Variants in PLCB1 observed in about 807,000 individuals in gnomAD.
The protein encoded by PLCB1 is 1-phosphatidylinositol 4,5-bisphosphate phosphodiesterase beta-1.
A neutral mutation model predicts 161.8 loss-of-function variants in PLCB1; 46 were observed. That is an observed-to-expected ratio of 0.28 (90% CI 0.22 to 0.36). The LOEUF (loss-of-function observed/expected upper bound fraction) is 0.36. Ranked by LOEUF, PLCB1 falls within the 10% of genes least tolerant of loss-of-function variation. The pLI, the probability that PLCB1 is intolerant of heterozygous loss-of-function variation, is 1.00. For missense variants in PLCB1, 1,016 were observed against 1,472.5 expected (o/e 0.69, Z 5.07); for synonymous variants, 517 against 503.7 (o/e 1.03, Z -0.35).
rs534114984 is a variant in PLCB1 at position 8,147,947 on chromosome 20, A to G, written c.100-2347A>G. 1.7e-3 allele frequency among the ~76,000 whole-genome samples: 251 copies of G among 144,384 alleles called. 2 individuals carry two copies. The highest frequency in any genetic ancestry group is 7.4e-3 in the Middle Eastern group (2 of 270). 94.7% of individuals were successfully genotyped at this position (144,384 alleles called of 152,430 possible). On this transcript the variant is annotated intron_variant, in intron 1 of 31. Coordinates refer to ENST00000338037, the MANE Select transcript of PLCB1 (RefSeq NM_015192.4). ...GAGTGCAGTGGTGCGATCTCAGCTC[A>G]CTGCAAGCTCTGCCTCCCGGGTTCA...
At chr20:8,374,311 G>A (rs572774570) in intron 3 of PLCB1, among the ~76,000 whole-genome samples, 16 of 152,208 alleles carry the variant, frequency 1.1e-4, no homozygotes, top group Admixed American at 7.2e-4. Context: ...CTGCCTCCCC[G>A]TCGTCTTCCA....
At chr20:8,630,852 C>G (rs1988564164) in intron 4 of PLCB1, among the ~76,000 whole-genome samples, 2 of 152,092 alleles carry the variant, frequency 1.3e-5, no homozygotes, top group South Asian at 4.1e-4. Context: ...GCAGTCCTAT[C>G]TAAAATATAT....
At chr20:8,871,896 T>C (rs1339968860) in intron 31 of PLCB1, among the ~76,000 whole-genome samples, 2 of 152,348 alleles carry the variant, frequency 1.3e-5, no homozygotes, top group Admixed American at 6.5e-5. Flanking sequence ...ATGTATGATC[T>C]TGTTTAAACC....
chr20:8,618,442 AGC>A (rs1372513446), intron 3 of PLCB1, among the ~76,000 whole-genome samples: 3 of 152,086 alleles, frequency 2.0e-5, no homozygotes, highest in African/African-American at 7.2e-5. Flanking sequence ...GTGGGAAGAT[AGC>A]TTGAGCCCAG....
At chr20:8,442,411 TC>T (rs1681356307) in intron 3 of PLCB1, among the ~76,000 whole-genome samples, 1 of 152,186 alleles carries the variant, frequency 6.6e-6, no homozygotes, top group South Asian at 2.1e-4. Context: ...GTATGAAGCC[TC>T]TTTTATAAAG....
At chr20:8,252,767 A>G (rs1981217413) in intron 2 of PLCB1, among the ~76,000 whole-genome samples, 1 of 152,012 alleles carries the variant, frequency 6.6e-6, no homozygotes, top group Non-Finnish European at 1.5e-5. Flanking sequence ...ACCACTTACT[A>G]TTTGACAGAG....
At chr20:8,586,471 G>A (rs917293878) in intron 3 of PLCB1, among the ~76,000 whole-genome samples, 3 of 151,962 alleles carry the variant, frequency 2.0e-5, no homozygotes, top group African/African-American at 7.3e-5. Context: ...AGTGATGGTA[G>A]CAGAGTTATC....
At chr20:8,139,177 G>A (rs1362243875) in intron 1 of PLCB1, among the ~76,000 whole-genome samples, 1 of 139,724 alleles carries the variant, frequency 7.2e-6, no homozygotes. Context: ...AACCTCTGCA[G>A]CCGGGTTCAA....
chr20:8,284,853 T>C (rs756741892), intron 2 of PLCB1, among the ~76,000 whole-genome samples: 2 of 152,248 alleles, frequency 1.3e-5, no homozygotes, highest in Non-Finnish European at 1.5e-5. Context: ...GAGTTTGCTT[T>C]TCATATATGT....
chr20:8,340,670 C>T (rs1051817155), intron 2 of PLCB1, among the ~76,000 whole-genome samples: 21 of 152,026 alleles, frequency 1.4e-4, no homozygotes, highest in African/African-American at 4.8e-4. Flanking sequence ...GTGATCCGCC[C>T]GCCTCGGCCT....
At chr20:8,673,530 A>G (rs1475305343) in intron 9 of PLCB1, among the ~76,000 whole-genome samples, 2 of 152,194 alleles carry the variant, frequency 1.3e-5, no homozygotes, top group African/African-American at 4.8e-5. Flanking sequence ...TCTTCCGCAT[A>G]TTTGTTGGAC....
chr20:8,783,581 G>T (rs965826795), intron 27 of PLCB1, among the ~76,000 whole-genome samples: 4 of 151,346 alleles, frequency 2.6e-5, no homozygotes, highest in Non-Finnish European at 5.9e-5. Flanking sequence ...TCTTTTGATT[G>T]CAAGCCACAG....
intron 2 of PLCB1, among the ~76,000 whole-genome samples, chr20:8,244,984 G>A (rs768781630): frequency 5.1e-5 from 7 of 136,420 alleles, no homozygotes; most frequent in Non-Finnish European, 8.9e-5. Flanking sequence ...CTATTTTGGA[G>A]GGGGGGATGT....
At chr20:8,736,902 A>C in intron 19 of PLCB1, 126 bp from the exon 20 acceptor site, 1 of 692,328 alleles carries the variant, frequency 1.4e-6, no homozygotes, top group Non-Finnish European at 2.5e-6. Context: ...TCTTGCTTCT[A>C]TTCCATTTTG....
At chr20:8,567,624 G>A (rs897388584) in intron 3 of PLCB1, among the ~76,000 whole-genome samples, 5 of 151,998 alleles carry the variant, frequency 3.3e-5, no homozygotes, top group African/African-American at 9.7e-5. Context: ...ATTTAACATA[G>A]GTTAGCAATA....
At chr20:8,751,513 C>A (rs1981481417) in intron 23 of PLCB1, 1 of 152,074 alleles carries the variant, frequency 6.6e-6, no homozygotes, top group Non-Finnish European at 1.5e-5. Context: ...TTTACTGGTC[C>A]ATCTGTATTC....
chr20:8,834,607 G>A (rs905390096), intron 31 of PLCB1, among the ~76,000 whole-genome samples: 2 of 151,968 alleles, frequency 1.3e-5, no homozygotes, highest in Admixed American at 1.3e-4. Flanking sequence ...TTGAAGTCAG[G>A]AGTTCAAGAC....
intron 31 of PLCB1, among the ~76,000 whole-genome samples, chr20:8,798,120 C>G (rs1984115374): frequency 6.6e-6 from 1 of 151,818 alleles, no homozygotes; most frequent in Admixed American, 6.6e-5. Flanking sequence ...TTGCTTGGAC[C>G]TGGGAGGTGG....
intron 7 of PLCB1, among the ~76,000 whole-genome samples, chr20:8,655,862 A>C (rs1264225509): frequency 6.6e-6 from 1 of 152,028 alleles, no homozygotes; most frequent in Non-Finnish European, 1.5e-5. Context: ...TCATCTATTA[A>C]AACCATTTAC....
Sources: gnomAD v4.1 joint callset for allele counts (sites outside exome capture counted in the v4.1 genomes callset) on GRCh38, gnomAD v4.1.1 for gene constraint, MANE v1.5 for transcripts, NCBI Gene and HGNC (gene_info 2026-07-23, HGNC 2026-07-21) for gene names.